Variants in THEM4 observed in about 807,000 individuals in gnomAD.
THEM4 encodes the protein acyl-coenzyme A thioesterase THEM4.
Under a neutral mutation model 25.0 loss-of-function variants are expected in THEM4, and 22 were observed. The ratio of observed to expected loss-of-function variants is 0.88; its 90% confidence interval spans 0.63 to 1.26. The LOEUF (loss-of-function observed/expected upper bound fraction) is 1.26, where lower values mean the gene tolerates loss of function less well. Ranked by LOEUF, THEM4 falls within the 50% of genes most tolerant of loss-of-function variation. The pLI, the probability that THEM4 is intolerant of heterozygous loss-of-function variation, is 0.00. For synonymous variants in THEM4, 113 were observed against 105.6 expected (o/e 1.07, Z -0.43); for missense variants, 286 against 300.3 (o/e 0.95, Z 0.35).
chr1:151,897,595 T>G (rs1654252595), intron 1 of THEM4, among the ~76,000 whole-genome samples: 1 of 152,156 alleles, frequency 6.6e-6, no homozygotes, highest in Non-Finnish European at 1.5e-5. Flanking sequence ...TTGGGCAGAG[T>G]GATTCCTCCA....
At position 151,892,112 on chromosome 1, in the gene THEM4, A is replaced by G. The variant is rs1019578023; in HGVS notation, c.287-2739T>C. ...TAAGATGAGGGGAAGTAATGGTTTG[A>G]AAACAAGTGTGGGTAGCAAAGAGGA... On this transcript the variant is annotated intron_variant, in intron 2 of 5. Coordinates refer to ENST00000368814, the MANE Select transcript of THEM4 (RefSeq NM_053055.5). Among the ~76,000 whole-genome samples the G allele has an allele frequency of 5.3e-5, 8 of 152,236 alleles. No homozygotes were observed. In the East Asian group the frequency reaches 1.4e-3, roughly 26 times the overall value.
At chr1:151,906,792 T>A (rs575420622) in intron 1 of THEM4, among the ~76,000 whole-genome samples, 1 of 152,296 alleles carries the variant, frequency 6.6e-6, no homozygotes, top group African/African-American at 2.4e-5. Context: ...AACCTTTGTG[T>A]TGACACTCTG....
chr1:151,900,730 T>C (rs184696100), intron 1 of THEM4, among the ~76,000 whole-genome samples: 50 of 152,128 alleles, frequency 3.3e-4, no homozygotes, highest in Non-Finnish European at 6.6e-4. Context: ...AACAAAATAA[T>C]AGTGGGGGAC....
Position 151,872,305 on chromosome 1 carries a change from G to A in THEM4, c.*2583C>T, listed in dbSNP as rs1653572023. On this transcript the variant is annotated 3_prime_UTR_variant, in exon 6 of 6. Transcript: ENST00000368814. ...CTTTTGGCTGTGGAAGGATGACTGG[G>A]TAGGGTACCACAAGGCTGTCCCTAA... Among the ~76,000 whole-genome samples the A allele has an allele frequency of 6.6e-6, 1 of 152,206 alleles. No homozygotes were observed. The highest frequency in any genetic ancestry group is 1.9e-4 in the East Asian group (1 of 5,198).
At chr1:151,893,121 C>T (rs1434291140) in intron 2 of THEM4, among the ~76,000 whole-genome samples, 2 of 151,960 alleles carry the variant, frequency 1.3e-5, no homozygotes, top group Non-Finnish European at 2.9e-5. Flanking sequence ...CTGTAATCCC[C>T]GCACTTTGGG....
chr1:151,905,432 C>T (rs910117061), intron 1 of THEM4, among the ~76,000 whole-genome samples: 1 of 151,848 alleles, frequency 6.6e-6, no homozygotes, highest in African/African-American at 2.4e-5. Flanking sequence ...CAGAGTCTCA[C>T]TCTCACCCTA....
intron 1 of THEM4, among the ~76,000 whole-genome samples, chr1:151,908,385 C>T (rs1415131658): frequency 6.6e-6 from 1 of 152,180 alleles, no homozygotes; most frequent in African/African-American, 2.4e-5. Context: ...TGCATAGCTT[C>T]GTTTAGCCCG....
chr1:151,902,431 T>C (rs1400397267), intron 1 of THEM4, among the ~76,000 whole-genome samples: 1 of 151,616 alleles, frequency 6.6e-6, no homozygotes, highest in Non-Finnish European at 1.5e-5. Context: ...CTCAATTATA[T>C]GGGAGAGCTA....
rs1382947796 is a variant in THEM4 at position 151,874,941 on chromosome 1, A to C, written c.683-13T>G. 1 of 1,608,630 alleles carries C rather than the reference A, an allele frequency of 6.2e-7. No homozygotes were observed. The highest frequency in any genetic ancestry group is 8.5e-7 in the Non-Finnish European group (1 of 1,174,996). ...TTTATAAATAAGCCTAAACAAACAA[A>C]ATAACAGCAGATGATTATATGTCAA... On this transcript the variant is annotated splice_polypyrimidine_tract_variant and intron_variant, in intron 5 of 5. Coordinates refer to ENST00000368814, the MANE Select transcript of THEM4 (RefSeq NM_053055.5).
intron 3 of THEM4, among the ~76,000 whole-genome samples, chr1:151,888,677 T>C (rs139230072): frequency 2.3e-4 from 35 of 152,222 alleles, no homozygotes; most frequent in African/African-American, 7.2e-4. Context: ...ATGTTTTTAT[T>C]ATTAGTCAAG....
intron 1 of THEM4, among the ~76,000 whole-genome samples, chr1:151,897,463 G>A (rs1006246907): frequency 2.6e-5 from 4 of 152,208 alleles, no homozygotes; most frequent in South Asian, 2.1e-4. Flanking sequence ...CTCGAACATC[G>A]GACTCCAGGT....
intron 1 of THEM4, among the ~76,000 whole-genome samples, chr1:151,903,354 T>C (rs1242590559): frequency 1.3e-5 from 2 of 152,212 alleles, no homozygotes; most frequent in African/African-American, 4.8e-5. Flanking sequence ...TCCCACAATT[T>C]TGCTTTCTAC....
intron 1 of THEM4, among the ~76,000 whole-genome samples, chr1:151,897,742 G>A (rs980765326): frequency 3.3e-5 from 5 of 152,148 alleles, no homozygotes; most frequent in South Asian, 2.1e-4. Context: ...CTGCAGGACC[G>A]GGAGACATCC....
chr1:151,884,442 A>G (rs1254808884), intron 4 of THEM4, among the ~76,000 whole-genome samples: 2 of 152,202 alleles, frequency 1.3e-5, no homozygotes, highest in Non-Finnish European at 2.9e-5. Context: ...TTCTATATAG[A>G]CTGCCCACAA....
At chr1:151,895,975 G>C (rs1480913504) in intron 1 of THEM4, among the ~76,000 whole-genome samples, 1 of 144,746 alleles carries the variant, frequency 6.9e-6, no homozygotes, top group East Asian at 2.0e-4. Flanking sequence ...ATGACTGTAA[G>C]TTTTCTTGCT....
intron 3 of THEM4, 94 bp downstream of exon 3, chr1:151,889,120 T>A: frequency 1.0e-6 from 1 of 955,476 alleles, no homozygotes; most frequent in Non-Finnish European, 1.6e-6. Flanking sequence ...ATGTGACCAT[T>A]TGAAAATCTT....
chr1:151,893,439 AG>A (rs1654140765), intron 2 of THEM4, among the ~76,000 whole-genome samples: 1 of 151,676 alleles, frequency 6.6e-6, no homozygotes, highest in Admixed American at 6.6e-5. Context: ...AGAGAGAGAG[AG>A]AGAGACTGGG....
intron 4 of THEM4, among the ~76,000 whole-genome samples, chr1:151,878,694 C>T (rs982741625): frequency 2.6e-5 from 4 of 152,122 alleles, no homozygotes; most frequent in Non-Finnish European, 5.9e-5. Context: ...AACAACTATA[C>T]AGTGTAATTT....
chr1:151,892,185 G>A (rs146683101), intron 2 of THEM4, among the ~76,000 whole-genome samples: 16 of 152,224 alleles, frequency 1.1e-4, no homozygotes, highest in African/African-American at 2.6e-4. Context: ...AGTCAAGAGC[G>A]AATGAGGGTT....
Sources: allele counts gnomAD v4.1 joint callset (sites outside exome capture counted in the v4.1 genomes callset), GRCh38; gene constraint gnomAD v4.1.1; transcripts MANE v1.5; gene names NCBI Gene and HGNC (gene_info 2026-07-23, HGNC 2026-07-21).